The following TJP1 variants were observed in gnomAD, a reference collection of about 807,000 sequenced individuals.
The protein encoded by TJP1 is tight junction protein ZO-1.
Under a neutral mutation model 194.2 loss-of-function variants are expected in TJP1, and 43 were observed. That is an observed-to-expected ratio of 0.22 (90% confidence interval 0.17 to 0.29). TJP1 has a LOEUF of 0.29. TJP1 is among the 10% of genes least tolerant of loss of function. The probability of loss-of-function intolerance (pLI) is 1.00; values close to 1 mark genes in which losing one functional copy is unlikely to be tolerated. For synonymous variants in TJP1, 801 were observed against 779.0 expected (o/e 1.03, Z -0.47); for missense variants, 1,971 against 2,185.7 (o/e 0.90, Z 1.96).
Position 29,766,503 on chromosome 15 carries a change from G to C in TJP1, c.352C>G (p.Arg118Gly). The change falls in exon 5 of 28, where the codon CGT becomes GGT. Residue 118 changes from arginine to glycine, a missense_variant. Coordinates refer to ENST00000614355, the MANE Select transcript of TJP1 (RefSeq NM_001330239.4). ...RKKKVQIPVS[R>G]PDPEPVSDNE... ...TCAGATACTGGTTCAGGATCAGGAC[G>C]ACTTACTGGTATTTGAACTTTCTTC... 1 of 1,589,376 alleles carries C rather than the reference G, an allele frequency of 6.3e-7. No individual in the cohort carries two copies. Among genetic ancestry groups the C allele is most frequent in the African/African-American group, 1.4e-5 (1 of 74,046 alleles).
At chr15:29,918,120 GTCC>G (rs2054243831) in intron 2 of TJP1, among the ~76,000 whole-genome samples, 1 of 152,130 alleles carries the variant, frequency 6.6e-6, no homozygotes, top group African/African-American at 2.4e-5. Context: ...GCAGCATAAT[GTCC>G]TCAAGGTCCA....
chr15:29,769,341 G>C (rs1169469773), intron 4 of TJP1, among the ~76,000 whole-genome samples: 1 of 152,108 alleles, frequency 6.6e-6, no homozygotes, highest in Non-Finnish European at 1.5e-5. Flanking sequence ...GTTGAAAACT[G>C]AACTCTCAAT....
At chr15:29,952,404 C>T (rs1053486153) in intron 2 of TJP1, among the ~76,000 whole-genome samples, 3 of 152,088 alleles carry the variant, frequency 2.0e-5, no homozygotes, top group African/African-American at 7.2e-5. Context: ...ACTAGAATGC[C>T]CATCCCATTT....
rs2041510526 is a variant in TJP1, at chr15:29,701,046, T to C, written c.*549A>G. 6.5e-6 allele frequency: 1 copy of C among 153,272 alleles called. No individual in the cohort carries two copies. Among genetic ancestry groups the C allele is most frequent in the Admixed American group, 6.5e-5 (1 of 15,326 alleles). 9.5% of individuals were successfully genotyped at this position (153,272 alleles called of 1,614,324 possible). On this transcript the variant is annotated 3_prime_UTR_variant, in exon 28 of 28. Transcript: ENST00000614355. ...CTTCCCTAAGAAAAATGTGTTTTCA[T>C]GTACAGTAAGTCATTGTCTTCACTT...
intron 2 of TJP1, among the ~76,000 whole-genome samples, chr15:29,906,258 A>G (rs1324303221): frequency 3.3e-5 from 5 of 152,142 alleles, no homozygotes; most frequent in Admixed American, 1.3e-4. Context: ...GGATCACTTG[A>G]GGTCAGGAGT....
chr15:29,758,363 CCCATGAAAATA>C (rs2045784371), intron 8 of TJP1, among the ~76,000 whole-genome samples: 1 of 151,728 alleles, frequency 6.6e-6, no homozygotes, highest in Non-Finnish European at 1.5e-5. Context: ...ACTGGTGCTA[CCCATGAAAATA>C]CTTAAGATAC....
intron 2 of TJP1, among the ~76,000 whole-genome samples, chr15:29,842,550 G>T (rs2051263390): frequency 6.6e-6 from 1 of 152,142 alleles, no homozygotes; most frequent in African/African-American, 2.4e-5. Flanking sequence ...GAGGAAACCA[G>T]AGTACCTGCA....
At chr15:29,742,343 A>G (rs1197952707) in intron 9 of TJP1, among the ~76,000 whole-genome samples, 1 of 152,190 alleles carries the variant, frequency 6.6e-6, no homozygotes, top group African/African-American at 2.4e-5. Context: ...TTTCTTTTTA[A>G]ATTTTTGAAG....
chr15:29,814,175 C>T lies in TJP1; in HGVS notation c.27+7827G>A, dbSNP rs148343379. On this transcript the variant is annotated intron_variant, in intron 1 of 27. Coordinates refer to ENST00000614355, the MANE Select transcript of TJP1 (RefSeq NM_001330239.4). Reference sequence around the variant, plus strand: ...ACAGAAACTCTGCTAAACAGCAAGCCCAGGTTTAGAAAATGACTTTGTCAC... The same window carrying T: ...ACAGAAACTCTGCTAAACAGCAAGCTCAGGTTTAGAAAATGACTTTGTCAC... Among the ~76,000 whole-genome samples, 216 of 152,194 alleles carry T rather than the reference C, an allele frequency of 1.4e-3. 1 individual carries two copies. Among genetic ancestry groups the T allele is most frequent in the African/African-American group, 5.0e-3 (208 of 41,524 alleles).
intron 22 of TJP1, among the ~76,000 whole-genome samples, chr15:29,717,146 G>A (rs1028995434): frequency 2.6e-5 from 4 of 152,148 alleles, no homozygotes; most frequent in Admixed American, 2.0e-4. Flanking sequence ...CAATGTAACC[G>A]AGACAGTGAA....
chr15:29,923,918 T>C (rs1030584714), intron 2 of TJP1, among the ~76,000 whole-genome samples: 4 of 152,208 alleles, frequency 2.6e-5, no homozygotes, highest in African/African-American at 9.7e-5. Context: ...AACATGCCTA[T>C]GTGTTATTCT....
chr15:29,829,280 T>C (rs1210282367), intron 2 of TJP1, among the ~76,000 whole-genome samples: 1 of 152,222 alleles, frequency 6.6e-6, no homozygotes, highest in African/African-American at 2.4e-5. Context: ...GTTTTAACTC[T>C]TTAATTTCTC....
intron 2 of TJP1, among the ~76,000 whole-genome samples, chr15:29,868,271 C>T (rs785442): frequency 0.31 from 47,630 of 151,922 alleles, 8,222 homozygotes; most frequent in East Asian, 0.72. Context: ...TGTAATTTTC[C>T]GGGCATTAAA....
intron 2 of TJP1, among the ~76,000 whole-genome samples, chr15:29,792,196 C>A (rs942265520): frequency 6.6e-6 from 1 of 152,200 alleles, no homozygotes; most frequent in African/African-American, 2.4e-5. Context: ...TAGCCCATAC[C>A]AATGACCTTT....
intron 18 of TJP1, among the ~76,000 whole-genome samples, chr15:29,723,601 G>A (rs1223612688): frequency 3.3e-5 from 5 of 152,246 alleles, no homozygotes; most frequent in African/African-American, 1.2e-4. Context: ...TAAACATTTG[G>A]CCCTTAAAGC....
chr15:29,888,331 T>G (rs114073737), intron 2 of TJP1, among the ~76,000 whole-genome samples: 2,026 of 152,192 alleles, frequency 0.013, 27 homozygotes, highest in African/African-American at 0.033. Context: ...ATAACAGAAA[T>G]ATATGCAATA....
Position 29,732,661 on chromosome 15 carries a change from G to GAA in TJP1, c.1889_1890dup (p.Pro631PhefsTer15), listed in dbSNP as rs746818248. ...CGAAGAACCACTCTTTCATAAGCTG[G>GAA]AAACTTTGTTTGAACAGGCTGAGCG... On this transcript the variant is annotated frameshift_variant, in exon 14 of 28. Coordinates refer to ENST00000614355, the MANE Select transcript of TJP1 (RefSeq NM_001330239.4). LOFTEE classifies it high-confidence loss of function. The GAA allele has an allele frequency of 6.2e-7, 1 of 1,614,106 alleles. No individual in the cohort carries two copies.
intron 2 of TJP1, among the ~76,000 whole-genome samples, chr15:29,913,439 TTGTGTA>T (rs1027111760): frequency 6.6e-6 from 1 of 152,202 alleles, no homozygotes; most frequent in Non-Finnish European, 1.5e-5. Context: ...GGTTGCAATA[TTGTGTA>T]TGTGCACACA....
At chr15:29,776,923 A>G (rs1290839898) in intron 2 of TJP1, among the ~76,000 whole-genome samples, 1 of 152,138 alleles carries the variant, frequency 6.6e-6, no homozygotes, top group Non-Finnish European at 1.5e-5. Flanking sequence ...GAAGCAAGGT[A>G]CTCATTCATT....
Sources: allele counts gnomAD v4.1 joint callset (sites outside exome capture counted in the v4.1 genomes callset), GRCh38; gene constraint gnomAD v4.1.1; transcripts MANE v1.5; gene names NCBI Gene and HGNC (gene_info 2026-07-23, HGNC 2026-07-21).